ASAP1: variants seen among roughly 807,000 people sequenced by gnomAD.
ASAP1 encodes arf-GAP with SH3 domain, ANK repeat and PH domain-containing protein 1.
ASAP1 carries 43 observed loss-of-function variants against 145.2 expected under a neutral mutation model. The observed-to-expected ratio is 0.30, with a 90% CI of 0.23 to 0.38. ASAP1 has a LOEUF of 0.38. Ranked by LOEUF, ASAP1 falls within the 10% of genes least tolerant of loss-of-function variation. The pLI, the probability that ASAP1 is intolerant of heterozygous loss-of-function variation, is 1.00. For synonymous variants in ASAP1, 546 were observed against 515.5 expected, an observed-to-expected ratio of 1.06 and a Z score of -0.80; for missense variants, 1,018 against 1,355.3, an observed-to-expected ratio of 0.75 and a Z score of 3.91.
intron 1 of ASAP1, among the ~76,000 whole-genome samples, chr8:130,437,817 G>T (rs550800927): frequency 6.6e-6 from 1 of 152,130 alleles, no homozygotes; most frequent in African/African-American, 2.4e-5. Flanking sequence ...TGGCTTCTGC[G>T]TAACTCCCAC....
intron 18 of ASAP1, among the ~76,000 whole-genome samples, chr8:130,120,013 T>G (rs1024293184): frequency 1.3e-5 from 2 of 152,214 alleles, no homozygotes; most frequent in Non-Finnish European, 2.9e-5. Context: ...ACTGTGCTGG[T>G]ACCTTTTTCT....
intron 24 of ASAP1, among the ~76,000 whole-genome samples, chr8:130,106,300 C>T (rs1016765864): frequency 6.6e-6 from 1 of 152,028 alleles, no homozygotes; most frequent in Non-Finnish European, 1.5e-5. Flanking sequence ...GATAAAAAAC[C>T]GCAGGAAACT....
At chr8:130,321,480 C>T (rs981350553) in intron 3 of ASAP1, among the ~76,000 whole-genome samples, 4 of 152,068 alleles carry the variant, frequency 2.6e-5, no homozygotes, top group Admixed American at 2.0e-4. Context: ...TCAATTTCTA[C>T]ATTTACAAAA....
intron 3 of ASAP1, among the ~76,000 whole-genome samples, chr8:130,271,185 C>G (rs1158579467): frequency 6.6e-6 from 1 of 152,144 alleles, no homozygotes; most frequent in Non-Finnish European, 1.5e-5. Flanking sequence ...GCTGCTCGCT[C>G]CTAAAACTGA....
chr8:130,312,536 T>C (rs952632396), intron 3 of ASAP1, among the ~76,000 whole-genome samples: 1 of 152,196 alleles, frequency 6.6e-6, no homozygotes, highest in Non-Finnish European at 1.5e-5. Flanking sequence ...TCCCTTTTGA[T>C]AGTGAATGTC....
At chr8:130,300,231 A>T (rs867861348) in intron 3 of ASAP1, among the ~76,000 whole-genome samples, 30 of 151,526 alleles carry the variant, frequency 2.0e-4, no homozygotes, top group African/African-American at 6.8e-4. Flanking sequence ...AAGGTCCCAG[A>T]ATTTCACAGT....
intron 3 of ASAP1, among the ~76,000 whole-genome samples, chr8:130,329,809 C>T (rs943366221): frequency 6.6e-6 from 1 of 152,178 alleles, no homozygotes; most frequent in Non-Finnish European, 1.5e-5. Context: ...CCTCAGATGG[C>T]ACCATTCTAA....
At chr8:130,394,337 A>G (rs1341691317) in intron 2 of ASAP1, among the ~76,000 whole-genome samples, 1 of 152,150 alleles carries the variant, frequency 6.6e-6, no homozygotes, top group Non-Finnish European at 1.5e-5. Context: ...GCCATCTTCT[A>G]TGGTCGAGAC....
At chr8:130,212,187 A>G (rs1816627636) in intron 5 of ASAP1, among the ~76,000 whole-genome samples, 1 of 152,218 alleles carries the variant, frequency 6.6e-6, no homozygotes, top group Non-Finnish European at 1.5e-5. Flanking sequence ...CAATCAGAAT[A>G]ATGTTTTCTT....
chr8:130,076,288 C>A, intron 27 of ASAP1, 60 bp downstream of exon 27: 1 of 1,297,498 alleles, frequency 7.7e-7, no homozygotes. Flanking sequence ...AAACCTTGGG[C>A]CCCTTGGAGG....
intron 27 of ASAP1, among the ~76,000 whole-genome samples, chr8:130,073,155 T>A (rs2097453644): frequency 6.6e-6 from 1 of 151,670 alleles, no homozygotes. Flanking sequence ...ATTGGGAGGC[T>A]GAGGCGGGGG....
intron 27 of ASAP1, among the ~76,000 whole-genome samples, chr8:130,072,832 G>GTGTGTGTGTGTGTGTGTGT (rs61663506): frequency 1.7e-4 from 2 of 11,720 alleles, no homozygotes; most frequent in African/African-American, 4.0e-4. Context: ...TGTGCGCGCG[G>GTGTGTGTGTGTGTGTGTGT]GGGGGGGCAG....
chr8:130,305,404 T>C (rs1822930965), intron 3 of ASAP1, among the ~76,000 whole-genome samples: 1 of 152,216 alleles, frequency 6.6e-6, no homozygotes, highest in Non-Finnish European at 1.5e-5. Context: ...TGGAGTCCAG[T>C]GGTGCGATCT....
chr8:130,348,265 G>A (rs909646149), intron 3 of ASAP1, among the ~76,000 whole-genome samples: 1 of 152,124 alleles, frequency 6.6e-6, no homozygotes, highest in Non-Finnish European at 1.5e-5. Flanking sequence ...CAGGGAAAGG[G>A]GTGGCCTAGA....
Position 130,262,408 on chromosome 8 carries a change from AAAAAAAAAAGAGAGAGAGAGAGAGAG to A in ASAP1, c.187-25440_187-25415del, listed in dbSNP as rs1380859284. ...ACTCCATCTCAAAAAAAAAAAAAAA[AAAAAAAAAAGAGAGAGAGAGAGAGAG>A]AGAGAGAGAGAGAGAGAGAGAGAAC... On this transcript the variant is annotated intron_variant, in intron 3 of 29. Transcript: ENST00000518721. Among the ~76,000 whole-genome samples the A allele has an allele frequency of 2.6e-5, 3 of 115,710 alleles. 1 individual carries two copies. Among genetic ancestry groups the A allele is most frequent in the African/African-American group, 1.1e-4 (3 of 28,256 alleles). The allele number at this position is 115,710 out of a possible 152,430, so 75.9% of individuals were successfully genotyped here. A position where few individuals can be genotyped will look rare whatever the true frequency, so the allele number is the denominator to read the frequency against.
chr8:130,184,961 G>C (rs142898676), intron 7 of ASAP1, among the ~76,000 whole-genome samples: 1 of 152,272 alleles, frequency 6.6e-6, no homozygotes, highest in Non-Finnish European at 1.5e-5. Flanking sequence ...TGATTTCTAA[G>C]TCTGTGATCT....
At chr8:130,153,363 ATATATATATATATATATATATT>A (rs2097651512) in intron 12 of ASAP1, among the ~76,000 whole-genome samples, 1 of 87,206 alleles carries the variant, frequency 1.1e-5, no homozygotes, top group Non-Finnish European at 2.4e-5. Context: ...ATATATGTAT[ATATATATATATATATATATATT>A]TTGAGACAGG....
At chr8:130,230,055 T>A (rs1247981289) in intron 4 of ASAP1, among the ~76,000 whole-genome samples, 2 of 131,848 alleles carry the variant, frequency 1.5e-5, no homozygotes, top group East Asian at 4.5e-4. Flanking sequence ...CACAGTGAGA[T>A]CCTGTCTCCA....
At chr8:130,072,282 A>G (rs778090785) in intron 27 of ASAP1, among the ~76,000 whole-genome samples, 9 of 152,118 alleles carry the variant, frequency 5.9e-5, no homozygotes, top group Non-Finnish European at 7.4e-5. Context: ...TGTAGCCCCC[A>G]TAATTTCTAC....
Sources: allele counts gnomAD v4.1 joint callset (sites outside exome capture counted in the v4.1 genomes callset), GRCh38; gene constraint gnomAD v4.1.1; transcripts MANE v1.5; gene names NCBI Gene and HGNC (gene_info 2026-07-23, HGNC 2026-07-21).